The following GULP1 variants were observed in gnomAD, a reference collection of about 807,000 sequenced individuals.
GULP1 encodes GULP PTB domain containing engulfment adaptor 1, also known as PTB domain-containing engulfment adapter protein 1.
Under a neutral mutation model 40.9 loss-of-function variants are expected in GULP1, and 19 were observed. That is an observed-to-expected ratio of 0.46 (90% CI 0.32 to 0.68). The LOEUF (loss-of-function observed/expected upper bound fraction) is 0.68. GULP1 is among the 30% of genes least tolerant of loss of function. The pLI is 0.03. For synonymous variants in GULP1, 119 were observed against 117.6 expected (o/e 1.01, Z -0.08); for missense variants, 312 against 362.2 (o/e 0.86, Z 1.12).
chr2:188,461,458 T>C (rs972738426), intron 2 of GULP1, among the ~76,000 whole-genome samples: 7 of 151,900 alleles, frequency 4.6e-5, no homozygotes, highest in African/African-American at 1.7e-4. Flanking sequence ...GTAGCTGAGA[T>C]TACAGGCATG....
At chr2:188,556,450 TGATTTCTTTTTATTGTTTTTCA>T (rs1331537331) in intron 7 of GULP1, among the ~76,000 whole-genome samples, 22 of 152,168 alleles carry the variant, frequency 1.4e-4, no homozygotes, top group African/African-American at 5.3e-4. Context: ...TTTGTTTTTC[TGATTTCTTTTTATTGTTTTTCA>T]GATTTCTTTT....
intron 4 of GULP1, among the ~76,000 whole-genome samples, chr2:188,485,582 G>C (rs114814402): frequency 2.6e-3 from 393 of 151,358 alleles, no homozygotes; most frequent in African/African-American, 8.5e-3. Flanking sequence ...CCAAATCCTT[G>C]ACCACAGAAA....
At chr2:188,321,293 A>G (rs1298986870) in intron 1 of GULP1, among the ~76,000 whole-genome samples, 2 of 152,172 alleles carry the variant, frequency 1.3e-5, no homozygotes, top group African/African-American at 2.4e-5. Flanking sequence ...TTCTGCTTTT[A>G]TAATTTCTAA....
intron 1 of GULP1, among the ~76,000 whole-genome samples, chr2:188,296,812 A>G (rs953114952): frequency 6.6e-6 from 1 of 152,044 alleles, no homozygotes; most frequent in African/African-American, 2.4e-5. Context: ...TTAACATTAT[A>G]TAAATGTACC....
chr2:188,307,158 G>C (rs553134417), intron 1 of GULP1, among the ~76,000 whole-genome samples: 1 of 152,064 alleles, frequency 6.6e-6, no homozygotes, highest in South Asian at 2.1e-4. Context: ...ATGATTCTTG[G>C]ATTTTTATGT....
intron 7 of GULP1, among the ~76,000 whole-genome samples, chr2:188,551,578 G>A (rs527410256): frequency 5.9e-5 from 9 of 151,674 alleles, no homozygotes; most frequent in Admixed American, 2.0e-4. Flanking sequence ...ATCCATTGGC[G>A]GACATTTAGG....
In GULP1 at chr2:188,340,837, C is replaced by T. The variant is rs749909377; in HGVS notation, c.-171-42926C>T. On this transcript the variant is annotated intron_variant, in intron 1 of 11. Transcript: ENST00000409830. Reference sequence around the variant, plus strand: ...AAGGGGAGTTGGAAAGGGGAGGGAGCGGGAAAGTATTCTTCCCGTGAAGAA... The same window carrying T: ...AAGGGGAGTTGGAAAGGGGAGGGAGTGGGAAAGTATTCTTCCCGTGAAGAA... Among the ~76,000 whole-genome samples, 6 of 151,980 alleles carry T rather than the reference C, an allele frequency of 3.9e-5. No homozygotes were observed. The East Asian group carries it at 9.7e-4, about 25-fold the overall frequency.
chr2:188,574,640 C>G (rs529011571), intron 9 of GULP1, among the ~76,000 whole-genome samples: 1 of 152,114 alleles, frequency 6.6e-6, no homozygotes, highest in Admixed American at 6.5e-5. Flanking sequence ...CAGAGTAAGA[C>G]CCTGTCTCAA....
At position 188,399,701 on chromosome 2, in the gene GULP1, A is replaced by AC. The variant is rs1467933387; in HGVS notation, c.-45+15812_-45+15813insC. Among the ~76,000 whole-genome samples, 374 of 149,392 alleles carry AC rather than the reference A, an allele frequency of 2.5e-3. 1 individual carries two copies. Among genetic ancestry groups the AC allele is most frequent in the Middle Eastern group, 6.8e-3 (2 of 294 alleles). Reference sequence around the variant, plus strand: ...CCCTGTCCCTACAAGAAAAAAAAAAAAAAAAAAAAAAAACATCAAACTGTA... The same window carrying AC: ...CCCTGTCCCTACAAGAAAAAAAAAAACAAAAAAAAAAAAACATCAAACTGTA... On this transcript the variant is annotated intron_variant, in intron 2 of 11. Transcript: ENST00000409830.
intron 2 of GULP1, among the ~76,000 whole-genome samples, chr2:188,459,707 G>T (rs1367948080): frequency 6.6e-6 from 1 of 152,042 alleles, no homozygotes; most frequent in East Asian, 1.9e-4. Context: ...TATTACTAAA[G>T]AAATTTTTGC....
rs939465134 is a variant in GULP1 at position 188,482,184 on chromosome 2, C to G, written c.29-1247C>G. ...AGAATATTGCATTGTACCCCATAAA[C>G]AAATTTAATATGAATACAGTGCATT... On this transcript the variant is annotated intron_variant, in intron 3 of 11. Coordinates refer to ENST00000409830, the MANE Select transcript of GULP1 (RefSeq NM_016315.4). Among the ~76,000 whole-genome samples the G allele has an allele frequency of 2.6e-5, 4 of 151,758 alleles. No homozygotes were observed. In the East Asian group the frequency reaches 7.7e-4, roughly 29 times the overall value.
At chr2:188,402,693 C>G (rs1428480354) in intron 2 of GULP1, among the ~76,000 whole-genome samples, 1 of 152,026 alleles carries the variant, frequency 6.6e-6, no homozygotes, top group East Asian at 1.9e-4. Context: ...TGGCCTTCCT[C>G]TAGACTATCT....
intron 2 of GULP1, among the ~76,000 whole-genome samples, chr2:188,440,698 A>C (rs1268781096): frequency 6.6e-6 from 1 of 152,138 alleles, no homozygotes; most frequent in African/African-American, 2.4e-5. Context: ...CTGAGCAGTC[A>C]TACTATTTTT....
At chr2:188,515,689 A>G (rs2065095710) in intron 4 of GULP1, among the ~76,000 whole-genome samples, 1 of 146,578 alleles carries the variant, frequency 6.8e-6, no homozygotes, top group Non-Finnish European at 1.5e-5. Context: ...AGATACACAT[A>G]CACACTTACA....
chr2:188,362,786 G>A (rs2046266391), intron 1 of GULP1, among the ~76,000 whole-genome samples: 1 of 151,962 alleles, frequency 6.6e-6, no homozygotes, highest in Non-Finnish European at 1.5e-5. Flanking sequence ...GAAGGCTGAT[G>A]GATCATACTG....
chr2:188,396,335 A>G (rs1285121957), intron 2 of GULP1, among the ~76,000 whole-genome samples: 2 of 152,236 alleles, frequency 1.3e-5, no homozygotes, highest in Admixed American at 1.3e-4. Flanking sequence ...CATGTGGGAC[A>G]AACAAGGGCT....
chr2:188,446,001 C>T (rs1292159038), intron 2 of GULP1, among the ~76,000 whole-genome samples: 1 of 152,146 alleles, frequency 6.6e-6, no homozygotes, highest in African/African-American at 2.4e-5. Context: ...ATTAGCTGCC[C>T]ATTCTTCAGC....
intron 4 of GULP1, among the ~76,000 whole-genome samples, chr2:188,488,253 A>G (rs1027850689): frequency 1.3e-5 from 2 of 152,010 alleles, no homozygotes; most frequent in Non-Finnish European, 2.9e-5. Context: ...GCTGCATCCT[A>G]TTACAGTAAT....
chr2:188,530,948 A>G, intron 6 of GULP1, among the ~76,000 whole-genome samples: 1 of 152,244 alleles, frequency 6.6e-6, no homozygotes, highest in South Asian at 2.1e-4. Context: ...AAATTAATTC[A>G]GTATAAAAGC....
Sources: gnomAD v4.1 joint callset for allele counts (sites outside exome capture counted in the v4.1 genomes callset) on GRCh38, gnomAD v4.1.1 for gene constraint, MANE v1.5 for transcripts, NCBI Gene and HGNC (gene_info 2026-07-23, HGNC 2026-07-21) for gene names.